The following SLC35F3 variants were observed in gnomAD, a reference collection of about 807,000 sequenced individuals.
SLC35F3 encodes solute carrier family 35 member F3, also known as putative thiamine transporter SLC35F3.
In SLC35F3, 25 loss-of-function variants were observed where a neutral mutation model predicts 49.9. The observed-to-expected ratio is 0.50, with a 90% CI of 0.37 to 0.70. The LOEUF is 0.70. SLC35F3 is among the 30% of genes least tolerant of loss of function. The probability of loss-of-function intolerance (pLI) is 0.00; values close to 1 mark genes in which losing one functional copy is unlikely to be tolerated. For synonymous variants in SLC35F3, 275 were observed against 265.4 expected, an observed-to-expected ratio of 1.04 and a Z score of -0.35; for missense variants, 525 against 639.8, an observed-to-expected ratio of 0.82 and a Z score of 1.94.
At chr1:234,187,242 C>A (rs1449769852) in intron 2 of SLC35F3, among the ~76,000 whole-genome samples, 1 of 152,022 alleles carries the variant, frequency 6.6e-6, no homozygotes, top group Non-Finnish European at 1.5e-5. Flanking sequence ...GTATACTATA[C>A]CTAAAGTTCC....
chr1:234,088,361 C>A (rs944749936), intron 2 of SLC35F3, among the ~76,000 whole-genome samples: 6 of 152,204 alleles, frequency 3.9e-5, no homozygotes, highest in Admixed American at 2.6e-4. Flanking sequence ...GCATGCACAA[C>A]CATGCGCAGC....
intron 2 of SLC35F3, among the ~76,000 whole-genome samples, chr1:234,120,107 C>T (rs1281023459): frequency 6.6e-6 from 1 of 152,192 alleles, no homozygotes; most frequent in Admixed American, 6.5e-5. Context: ...TCCATTTTCT[C>T]CAGCAGTGGG....
At chr1:234,278,062 A>T (rs1197279251) in intron 3 of SLC35F3, among the ~76,000 whole-genome samples, 2 of 152,098 alleles carry the variant, frequency 1.3e-5, no homozygotes, top group African/African-American at 4.8e-5. Context: ...GCATAGAGGC[A>T]TGCGCCTGTG....
chr1:233,946,172 G>A (rs982964754), intron 2 of SLC35F3, among the ~76,000 whole-genome samples: 1 of 152,236 alleles, frequency 6.6e-6, no homozygotes, highest in Non-Finnish European at 1.5e-5. Flanking sequence ...GCGGAAAAGA[G>A]TGCTGGAGCA....
At chr1:234,240,876 A>T (rs1196749338) in intron 3 of SLC35F3, among the ~76,000 whole-genome samples, 1 of 152,122 alleles carries the variant, frequency 6.6e-6, no homozygotes, top group African/African-American at 2.4e-5. Context: ...GCAGAGATGA[A>T]CTTTGAGACA....
In SLC35F3 at chr1:234,312,857, T is replaced by TTTG. The variant is rs1553264151; in HGVS notation, c.828+3539_828+3540insGTT. Among the ~76,000 whole-genome samples the TTTG allele has an allele frequency of 3.7e-3, 558 of 150,836 alleles. 2 individuals are homozygous for TTTG. The highest frequency in any genetic ancestry group is 0.012 in the African/African-American group (502 of 40,824). On this transcript the variant is annotated intron_variant, in intron 4 of 7. Transcript: ENST00000366618. ...TTTGTTGTTTGTTTTTTTTAGGTTT[T>TTTG]TTTGTTTGTTTGTTTGTTTGTTTGT...
chr1:233,973,200 G>A (rs1663023277), intron 2 of SLC35F3, among the ~76,000 whole-genome samples: 1 of 152,196 alleles, frequency 6.6e-6, no homozygotes, highest in Non-Finnish European at 1.5e-5. Flanking sequence ...TTTTGGTGCT[G>A]AAATCTAGGG....
At chr1:234,316,519 A>C in intron 4 of SLC35F3, 83 bp from the exon 5 acceptor site, 4 of 1,517,090 alleles carry the variant, frequency 2.6e-6, no homozygotes. Context: ...AACCCCACGC[A>C]CATTTCCAGC....
chr1:234,211,258 G>A (rs577983831), intron 2 of SLC35F3, among the ~76,000 whole-genome samples: 1 of 152,228 alleles, frequency 6.6e-6, no homozygotes, highest in Non-Finnish European at 1.5e-5. Context: ...CCTCTACTAG[G>A]TCAGTGCAAA....
At chr1:233,981,051 G>A (rs1417668383) in intron 2 of SLC35F3, among the ~76,000 whole-genome samples, 3 of 152,188 alleles carry the variant, frequency 2.0e-5, no homozygotes, top group Non-Finnish European at 4.4e-5. Flanking sequence ...ATTAAAGATG[G>A]ATGGAAAGAT....
intron 2 of SLC35F3, among the ~76,000 whole-genome samples, chr1:234,105,956 G>C (rs529395589): frequency 6.6e-6 from 1 of 152,298 alleles, no homozygotes; most frequent in African/African-American, 2.4e-5. Context: ...TCCAGTTAGA[G>C]ATGTTCTATT....
At chr1:234,196,874 G>A (rs560573079) in intron 2 of SLC35F3, among the ~76,000 whole-genome samples, 50 of 152,176 alleles carry the variant, frequency 3.3e-4, no homozygotes, top group Non-Finnish European at 6.0e-4. Context: ...CCTGGGAGGC[G>A]GAGGTTGCAG....
intron 4 of SLC35F3, among the ~76,000 whole-genome samples, chr1:234,312,210 T>C (rs1224165726): frequency 1.3e-5 from 2 of 151,986 alleles, no homozygotes; most frequent in Middle Eastern, 3.2e-3. Context: ...CCAGCCTCCA[T>C]GTCAAGGGAA....
chr1:233,918,627 T>C (rs1662008660), intron 2 of SLC35F3, among the ~76,000 whole-genome samples: 1 of 151,994 alleles, frequency 6.6e-6, no homozygotes, highest in Admixed American at 6.6e-5. Flanking sequence ...ATTAGCCGGG[T>C]GTAGTGGCGG....
At chr1:233,973,957 T>C (rs975781320) in intron 2 of SLC35F3, among the ~76,000 whole-genome samples, 2 of 152,214 alleles carry the variant, frequency 1.3e-5, no homozygotes, top group African/African-American at 4.8e-5. Context: ...GAAATAATTT[T>C]AGCCTATCTA....
intron 1 of SLC35F3, among the ~76,000 whole-genome samples, 194 bp downstream of exon 1, chr1:233,905,324 A>G (rs914413197): frequency 6.6e-6 from 1 of 152,128 alleles, no homozygotes; most frequent in Non-Finnish European, 1.5e-5. Context: ...CGAGACGCCC[A>G]GGATAGGGCA....
chr1:234,146,481 CTTTTTTTTTTT>C (rs869146212), intron 2 of SLC35F3, among the ~76,000 whole-genome samples: 1 of 74,040 alleles, frequency 1.4e-5, no homozygotes, highest in Non-Finnish European at 2.3e-5. Flanking sequence ...GATATTTGCT[CTTTTTTTTTTT>C]TTTTTTTTTT....
intron 2 of SLC35F3, among the ~76,000 whole-genome samples, chr1:233,910,087 C>T (rs1169199452): frequency 1.3e-5 from 2 of 152,206 alleles, no homozygotes; most frequent in African/African-American, 4.8e-5. Context: ...TAAATTGACA[C>T]CCTGTAGGAA....
chr1:234,199,331 C>G (rs1666866499), intron 2 of SLC35F3, among the ~76,000 whole-genome samples: 1 of 150,338 alleles, frequency 6.7e-6, no homozygotes, highest in Admixed American at 6.6e-5. Flanking sequence ...AGAAGTAAAC[C>G]CAAGTATTTA....
Sources: gnomAD v4.1 joint callset for allele counts (sites outside exome capture counted in the v4.1 genomes callset) on GRCh38, gnomAD v4.1.1 for gene constraint, MANE v1.5 for transcripts, NCBI Gene and HGNC (gene_info 2026-07-23, HGNC 2026-07-21) for gene names.